The following WDFY2 variants were observed in gnomAD, a reference collection of about 807,000 sequenced individuals.
WDFY2 encodes WD repeat and FYVE domain containing 2, also known as WD repeat and FYVE domain-containing protein 2.
A neutral mutation model predicts 56.4 loss-of-function variants in WDFY2; 36 were observed. The observed-to-expected ratio is 0.64, with a 90% CI of 0.49 to 0.84. The LOEUF is 0.84. Among genes scored for constraint, WDFY2 ranks in the 40% least tolerant of loss-of-function variants. The pLI, the probability that WDFY2 is intolerant of heterozygous loss-of-function variation, is 0.00. For missense variants in WDFY2, 444 were observed against 512.2 expected, an observed-to-expected ratio of 0.87 and a Z score of 1.29; for synonymous variants, 176 against 183.7, an observed-to-expected ratio of 0.96 and a Z score of 0.34.
chr13:51,656,581 G>C (rs142885185), intron 1 of WDFY2, among the ~76,000 whole-genome samples: 1 of 151,878 alleles, frequency 6.6e-6, no homozygotes, highest in Non-Finnish European at 1.5e-5. Context: ...GTAAGTGAAA[G>C]TCTCCAATTA....
Position 51,626,494 on chromosome 13 carries a change from C to T in WDFY2, c.138-34102C>T, listed in dbSNP as rs78462705. Reference sequence around the variant, plus strand: ...CAAGGCTCAGTAATAGCTCCTTTCTCTTTCTCCACCAGTGAGGTTCACTCC... The same window carrying T: ...CAAGGCTCAGTAATAGCTCCTTTCTTTTTCTCCACCAGTGAGGTTCACTCC... On this transcript the variant is annotated intron_variant, in intron 1 of 11. Transcript: ENST00000298125. Among the ~76,000 whole-genome samples, 848 of 152,336 alleles carry T rather than the reference C, an allele frequency of 5.6e-3. 6 individuals are homozygous for T. Among genetic ancestry groups the T allele is most frequent in the African/African-American group, 0.019 (794 of 41,584 alleles).
At position 51,764,106 on chromosome 13, in the gene WDFY2, C is replaced by A. The variant is rs1953673495; in HGVS notation, c.*4337C>A. On this transcript the variant is annotated 3_prime_UTR_variant, in exon 12 of 12. Transcript: ENST00000298125. ...TATTTATTAACTTGATTGGAAAACA[C>A]AGAAATTAAGATCATGTTGAACACT... 6.6e-6 allele frequency: 1 copy of A among 152,148 alleles called. No homozygotes were observed. Among genetic ancestry groups the A allele is most frequent in the African/African-American group, 2.4e-5 (1 of 41,438 alleles). The allele number at this position is 152,148 out of a possible 1,614,324, so 9.4% of individuals were successfully genotyped here. A position where few individuals can be genotyped will look rare whatever the true frequency, so the allele number is the denominator to read the frequency against.
chr13:51,720,009 T>C (rs1468935372), intron 5 of WDFY2, among the ~76,000 whole-genome samples: 1 of 152,178 alleles, frequency 6.6e-6, no homozygotes, highest in Non-Finnish European at 1.5e-5. Context: ...CAGTATTGAC[T>C]AGTGTGTAGC....
intron 1 of WDFY2, among the ~76,000 whole-genome samples, chr13:51,647,116 T>C (rs1955276970): frequency 1.3e-5 from 2 of 152,186 alleles, no homozygotes; most frequent in African/African-American, 2.4e-5. Flanking sequence ...CATATGCAAA[T>C]ACTGTACCAT....
intron 6 of WDFY2, among the ~76,000 whole-genome samples, chr13:51,738,360 CACA>C (rs1008400719): frequency 5.3e-5 from 8 of 152,150 alleles, no homozygotes; most frequent in South Asian, 2.1e-4. Flanking sequence ...ATCTATACTG[CACA>C]ACAAGTTTAG....
chr13:51,693,294 T>A (rs1185270240), intron 3 of WDFY2, among the ~76,000 whole-genome samples: 1 of 152,070 alleles, frequency 6.6e-6, no homozygotes, highest in Non-Finnish European at 1.5e-5. Context: ...ATTTTGGATC[T>A]TTCCTGCTTT....
chr13:51,660,288 T>A (rs1392826892), intron 1 of WDFY2, among the ~76,000 whole-genome samples: 1 of 151,830 alleles, frequency 6.6e-6, no homozygotes, highest in Non-Finnish European at 1.5e-5. Flanking sequence ...CCTCTGCCTC[T>A]GGTGTTCAAG....
intron 2 of WDFY2, among the ~76,000 whole-genome samples, chr13:51,665,441 C>T (rs1344927333): frequency 6.6e-6 from 1 of 152,152 alleles, no homozygotes; most frequent in Non-Finnish European, 1.5e-5. Context: ...ATTTCAACCA[C>T]CACAGTTGGA....
intron 6 of WDFY2, among the ~76,000 whole-genome samples, chr13:51,734,577 A>G (rs1227372146): frequency 2.0e-5 from 3 of 152,210 alleles, no homozygotes; most frequent in Non-Finnish European, 4.4e-5. Flanking sequence ...CCTGAACTTT[A>G]CCGTTTCAAC....
intron 7 of WDFY2, among the ~76,000 whole-genome samples, chr13:51,741,932 A>G (rs1227452391): frequency 6.6e-6 from 1 of 152,218 alleles, no homozygotes; most frequent in South Asian, 2.1e-4. Context: ...GGTCCCCGAC[A>G]TGCCTGGTGA....
At chr13:51,720,862 T>C (rs541558073) in intron 5 of WDFY2, among the ~76,000 whole-genome samples, 10 of 152,190 alleles carry the variant, frequency 6.6e-5, no homozygotes, top group African/African-American at 2.4e-4. Context: ...ATCCCATTCA[T>C]GAGGATTCAT....
At chr13:51,688,920 T>C (rs1956104103) in intron 3 of WDFY2, among the ~76,000 whole-genome samples, 1 of 152,230 alleles carries the variant, frequency 6.6e-6, no homozygotes, top group Admixed American at 6.5e-5. Flanking sequence ...GTATAAATGT[T>C]ATTTAAAATG....
At chr13:51,723,313 T>C (rs1030061709) in intron 5 of WDFY2, among the ~76,000 whole-genome samples, 2 of 152,244 alleles carry the variant, frequency 1.3e-5, no homozygotes, top group African/African-American at 4.8e-5. Flanking sequence ...TTGATCTCCT[T>C]GATATTGTTG....
chr13:51,735,814 C>T (rs990163003), intron 6 of WDFY2, among the ~76,000 whole-genome samples: 4 of 152,126 alleles, frequency 2.6e-5, no homozygotes, highest in African/African-American at 9.7e-5. Context: ...GAGTTATTTA[C>T]TCCCTACACC....
intron 6 of WDFY2, among the ~76,000 whole-genome samples, chr13:51,737,551 TAAAAAAAAA>T (rs67418551): frequency 2.1e-4 from 11 of 53,240 alleles, no homozygotes; most frequent in African/African-American, 8.3e-4. Context: ...ACAATGAATT[TAAAAAAAAA>T]AAAAAAAAAA....
At chr13:51,616,613 G>A (rs1954619710) in intron 1 of WDFY2, among the ~76,000 whole-genome samples, 1 of 152,178 alleles carries the variant, frequency 6.6e-6, no homozygotes, top group Non-Finnish European at 1.5e-5. Context: ...CATGATAGGG[G>A]AAAAGATTTG....
rs1952184196 is a variant in WDFY2 at position 51,710,385 on chromosome 13, G to A, written c.334+6735G>A. ...CCCTTTGAAAACTGGCACAAGACAG[G>A]GATGCCCTCTCTCACCACTCCTATT... On this transcript the variant is annotated intron_variant, in intron 4 of 11. Transcript: ENST00000298125. Among the ~76,000 whole-genome samples, 3 of 152,078 alleles carry A rather than the reference G, an allele frequency of 2.0e-5. No homozygotes were observed. The South Asian group carries it at 6.2e-4, about 32-fold the overall frequency.
intron 8 of WDFY2, among the ~76,000 whole-genome samples, chr13:51,753,753 G>GTGTGTGTGTGTATGTGTGTC (rs1953291697): frequency 6.6e-6 from 1 of 152,014 alleles, no homozygotes; most frequent in East Asian, 1.9e-4. Context: ...TAAAAGGTGT[G>GTGTGTGTGTGTATGTGTGTC]TGTGTGTGTG....
At chr13:51,653,075 C>G (rs1435356790) in intron 1 of WDFY2, among the ~76,000 whole-genome samples, 1 of 152,162 alleles carries the variant, frequency 6.6e-6, no homozygotes, top group Non-Finnish European at 1.5e-5. Context: ...TTCACATAGT[C>G]CCATATTTCT....
Sources: allele counts gnomAD v4.1 joint callset (sites outside exome capture counted in the v4.1 genomes callset), GRCh38; gene constraint gnomAD v4.1.1; transcripts MANE v1.5; gene names NCBI Gene and HGNC (gene_info 2026-07-23, HGNC 2026-07-21).